The following SETBP1 variants were observed in gnomAD, a reference collection of about 807,000 sequenced individuals.
SETBP1 encodes SET binding protein 1.
In SETBP1, 9 loss-of-function variants were observed where a neutral mutation model predicts 101.0. The observed-to-expected ratio is 0.09, with a 90% CI of 0.05 to 0.16. SETBP1 has a LOEUF of 0.16. Ranked by LOEUF, SETBP1 falls within the 10% of genes least tolerant of loss-of-function variation. The probability of loss-of-function intolerance (pLI) is 1.00; values close to 1 mark genes in which losing one functional copy is unlikely to be tolerated. For missense variants in SETBP1, 1,858 were observed against 2,033.8 expected (o/e 0.91, Z 1.66); for synonymous variants, 818 against 788.5 (o/e 1.04, Z -0.63).
At chr18:44,806,395 T>C (rs552175312) in intron 2 of SETBP1, among the ~76,000 whole-genome samples, 81 of 152,084 alleles carry the variant, frequency 5.3e-4, no homozygotes, top group Non-Finnish European at 1.2e-4. Flanking sequence ...TTTCTCCTTT[T>C]CATATCTTTC....
intron 2 of SETBP1, among the ~76,000 whole-genome samples, chr18:44,862,144 G>A (rs2069028204): frequency 6.6e-6 from 1 of 152,138 alleles, no homozygotes; most frequent in Admixed American, 6.5e-5. Context: ...GGTTACACAT[G>A]GAGTCTTTAA....
intron 2 of SETBP1, among the ~76,000 whole-genome samples, chr18:44,867,992 G>T (rs2069167234): frequency 6.6e-6 from 1 of 152,160 alleles, no homozygotes; most frequent in Non-Finnish European, 1.5e-5. Context: ...AAAGCTAGCA[G>T]TCACCCTCCT....
chr18:44,849,620 T>A (rs2072804338), intron 2 of SETBP1, among the ~76,000 whole-genome samples: 1 of 151,942 alleles, frequency 6.6e-6, no homozygotes. Flanking sequence ...GAAGTGTGAC[T>A]GAGCCACAAG....
intron 2 of SETBP1, among the ~76,000 whole-genome samples, chr18:44,845,006 C>A (rs2072696882): frequency 6.6e-6 from 1 of 152,056 alleles, no homozygotes; most frequent in Non-Finnish European, 1.5e-5. Context: ...CGGTGACAGA[C>A]AAGGTGTGAT....
chr18:44,689,454 CT>C (rs1330468228), intron 1 of SETBP1, among the ~76,000 whole-genome samples: 1 of 152,176 alleles, frequency 6.6e-6, no homozygotes, highest in African/African-American at 2.4e-5. Flanking sequence ...ACTAATCAAC[CT>C]TCCAACTCTC....
At chr18:44,855,469 G>A (rs1207840222) in intron 2 of SETBP1, among the ~76,000 whole-genome samples, 2 of 152,198 alleles carry the variant, frequency 1.3e-5, no homozygotes, top group Non-Finnish European at 2.9e-5. Flanking sequence ...TTGTTGGGAT[G>A]CCCTGTTCCA....
intron 2 of SETBP1, among the ~76,000 whole-genome samples, chr18:44,799,950 G>A: frequency 6.6e-6 from 1 of 152,188 alleles, no homozygotes; most frequent in East Asian, 1.9e-4. Flanking sequence ...GCCCAGTGTG[G>A]AAGCTACCCC....
At chr18:44,859,253 G>A (rs1158463037) in intron 2 of SETBP1, among the ~76,000 whole-genome samples, 1 of 152,202 alleles carries the variant, frequency 6.6e-6, no homozygotes, top group African/African-American at 2.4e-5. Context: ...GGGAGATCAA[G>A]ATGGCAGAGA....
chr18:44,953,355 C>A lies in SETBP1; in HGVS notation c.4000+15C>A. ...CATGTCTCCAGGTAAGGCTGTTTTTCTTCAGAAATGGATTATCAAGTTATT... is the reference window on the plus strand; with the variant it reads ...CATGTCTCCAGGTAAGGCTGTTTTTATTCAGAAATGGATTATCAAGTTATT... On this transcript the variant is annotated intron_variant, in intron 4 of 5. Transcript: ENST00000649279. 1 of 1,606,130 alleles carries A rather than the reference C, an allele frequency of 6.2e-7. No individual in the cohort carries two copies.
At chr18:44,856,776 G>A (rs2072985557) in intron 2 of SETBP1, among the ~76,000 whole-genome samples, 1 of 152,222 alleles carries the variant, frequency 6.6e-6, no homozygotes, top group African/African-American at 2.4e-5. Flanking sequence ...CTTAGAGTGA[G>A]TAGAGAGAAT....
chr18:45,044,866 G>A (rs8095662), intron 5 of SETBP1, among the ~76,000 whole-genome samples: 19,300 of 152,272 alleles, frequency 0.13, 1,863 homozygotes, highest in African/African-American at 0.27. Context: ...GAGAAAGCGT[G>A]TAGAGCAAGT....
rs551115305 is a variant in SETBP1 at position 44,690,279 on chromosome 18, G to C, written c.-173+9258G>C. On this transcript the variant is annotated intron_variant, in intron 1 of 5. Coordinates refer to ENST00000649279, the MANE Select transcript of SETBP1 (RefSeq NM_015559.3). ...AGAGGAGATATATCACAGAGAAAGG[G>C]AAGTGGAGCTGATATTTGTTTAGTT... is the stretch of plus-strand genomic sequence containing the variant. 3.9e-5 allele frequency among the ~76,000 whole-genome samples: 6 copies of C among 152,316 alleles called. No individual in the cohort carries two copies. The South Asian group carries it at 1.2e-3, about 32-fold the overall frequency.
intron 3 of SETBP1, among the ~76,000 whole-genome samples, chr18:44,897,158 T>C (rs1023766986): frequency 6.6e-6 from 1 of 152,214 alleles, no homozygotes; most frequent in Non-Finnish European, 1.5e-5. Flanking sequence ...TGAATCTCTC[T>C]GCTTTTAAGT....
At chr18:45,038,231 C>T (rs1266724917) in intron 4 of SETBP1, among the ~76,000 whole-genome samples, 1 of 152,208 alleles carries the variant, frequency 6.6e-6, no homozygotes, top group Non-Finnish European at 1.5e-5. Flanking sequence ...TATTCTGCTT[C>T]ATTAGGCCTA....
chr18:44,802,553 C>T (rs1026317251), intron 2 of SETBP1, among the ~76,000 whole-genome samples: 2 of 152,164 alleles, frequency 1.3e-5, no homozygotes, highest in Non-Finnish European at 1.5e-5. Context: ...TCCTAGACTT[C>T]TTAGATTCCA....
intron 4 of SETBP1, among the ~76,000 whole-genome samples, chr18:45,036,582 G>A (rs1446895768): frequency 1.3e-5 from 2 of 152,140 alleles, no homozygotes; most frequent in African/African-American, 2.4e-5. Flanking sequence ...CAATCTGTCT[G>A]TCATAGAATT....
chr18:45,050,184 C>G (rs2073698465), intron 5 of SETBP1, among the ~76,000 whole-genome samples: 2 of 152,184 alleles, frequency 1.3e-5, no homozygotes, highest in South Asian at 4.1e-4. Context: ...ATGTTAGTTC[C>G]TTCCCTCTTT....
At chr18:45,013,942 G>C (rs922855401) in intron 4 of SETBP1, among the ~76,000 whole-genome samples, 2 of 152,120 alleles carry the variant, frequency 1.3e-5, no homozygotes, top group Non-Finnish European at 2.9e-5. Flanking sequence ...ACACAGATGT[G>C]TTTAAACAAC....
At chr18:44,927,013 A>T (rs1415210000) in intron 3 of SETBP1, among the ~76,000 whole-genome samples, 1 of 152,140 alleles carries the variant, frequency 6.6e-6, no homozygotes, top group African/African-American at 2.4e-5. Context: ...GGAAAGTAGG[A>T]GGGGTAGCTT....
Sources: allele counts gnomAD v4.1 joint callset (sites outside exome capture counted in the v4.1 genomes callset), GRCh38; gene constraint gnomAD v4.1.1; transcripts MANE v1.5; gene names NCBI Gene and HGNC (gene_info 2026-07-23, HGNC 2026-07-21).